Variants in ZDHHC14 observed in about 807,000 individuals in gnomAD.
ZDHHC14 encodes the protein palmitoyltransferase ZDHHC14.
In ZDHHC14, 16 loss-of-function variants were observed where a neutral mutation model predicts 47.7. The observed-to-expected ratio is 0.34, with a 90% CI of 0.23 to 0.51. ZDHHC14 has a LOEUF of 0.51. ZDHHC14 is among the 20% of genes least tolerant of loss of function. ZDHHC14 has a pLI of 0.97. For synonymous variants in ZDHHC14, 293 were observed against 278.9 expected, an observed-to-expected ratio of 1.05 and a Z score of -0.50; for missense variants, 515 against 662.5, an observed-to-expected ratio of 0.78 and a Z score of 2.44.
intron 1 of ZDHHC14, among the ~76,000 whole-genome samples, chr6:157,412,072 G>A (rs1777881295): frequency 1.3e-5 from 2 of 151,294 alleles, no homozygotes; most frequent in African/African-American, 4.9e-5. Flanking sequence ...CCAAGTAGCT[G>A]GGATTACAGG....
chr6:157,519,014 C>T (rs765467372), intron 1 of ZDHHC14, among the ~76,000 whole-genome samples: 8 of 152,158 alleles, frequency 5.3e-5, no homozygotes, highest in Non-Finnish European at 7.3e-5. Flanking sequence ...TGTATCCTTA[C>T]GCCTCTGCCA....
intron 1 of ZDHHC14, among the ~76,000 whole-genome samples, chr6:157,461,307 GTGCCCCTCTGTGAA>G (rs1244943642): frequency 6.6e-6 from 1 of 152,190 alleles, no homozygotes; most frequent in Non-Finnish European, 1.5e-5. Flanking sequence ...GCAAAGTCTC[GTGCCCCTCTGTGAA>G]TGCATTTGAT....
At chr6:157,475,651 A>G (rs915518251) in intron 1 of ZDHHC14, among the ~76,000 whole-genome samples, 3 of 151,984 alleles carry the variant, frequency 2.0e-5, no homozygotes, top group Non-Finnish European at 4.4e-5. Context: ...TTCTTGATTT[A>G]TTTTTCAGGT....
chr6:157,529,916 TTATA>T (rs1457689272), intron 1 of ZDHHC14, among the ~76,000 whole-genome samples: 4 of 152,230 alleles, frequency 2.6e-5, no homozygotes, highest in African/African-American at 9.6e-5. Context: ...AATGAACCTC[TTATA>T]AGTCTTATCA....
chr6:157,591,408 T>G (rs866305866), intron 2 of ZDHHC14, among the ~76,000 whole-genome samples: 1 of 152,184 alleles, frequency 6.6e-6, no homozygotes, highest in Non-Finnish European at 1.5e-5. Flanking sequence ...GTTCTTGTGA[T>G]AGTGATCTCC....
chr6:157,637,393 A>T (rs1324746844), intron 5 of ZDHHC14, among the ~76,000 whole-genome samples: 1 of 152,152 alleles, frequency 6.6e-6, no homozygotes, highest in Non-Finnish European at 1.5e-5. Context: ...GCATTAGAGA[A>T]ATGCTAAACT....
chr6:157,382,463 G>A (rs1185122854), intron 1 of ZDHHC14, among the ~76,000 whole-genome samples, 197 bp downstream of exon 1: 1 of 152,156 alleles, frequency 6.6e-6, no homozygotes, highest in African/African-American at 2.4e-5. Context: ...TTCTGGGCTG[G>A]GCTTCTGGGA....
At chr6:157,670,827 A>C (rs914880511) in intron 8 of ZDHHC14, among the ~76,000 whole-genome samples, 5 of 152,176 alleles carry the variant, frequency 3.3e-5, no homozygotes, top group South Asian at 4.1e-4. Context: ...ATCTTTGAGC[A>C]TCTAAAGCCT....
At chr6:157,554,907 T>G (rs1371340182) in intron 2 of ZDHHC14, among the ~76,000 whole-genome samples, 2 of 152,240 alleles carry the variant, frequency 1.3e-5, no homozygotes, top group African/African-American at 2.4e-5. Context: ...CTGAGTCCCC[T>G]GTGCTCTATA....
At chr6:157,563,860 G>A (rs1782804301) in intron 2 of ZDHHC14, among the ~76,000 whole-genome samples, 1 of 152,240 alleles carries the variant, frequency 6.6e-6, no homozygotes, top group African/African-American at 2.4e-5. Flanking sequence ...AAGCTGCATG[G>A]AAGCGAAACA....
At chr6:157,531,951 G>T (rs1582896890) in intron 1 of ZDHHC14, among the ~76,000 whole-genome samples, 1 of 152,260 alleles carries the variant, frequency 6.6e-6, no homozygotes, top group African/African-American at 2.4e-5. Context: ...GGATGGGCGT[G>T]GGGGTGCCAG....
chr6:157,647,852 C>T (rs142242104), intron 7 of ZDHHC14, among the ~76,000 whole-genome samples: 21 of 152,326 alleles, frequency 1.4e-4, no homozygotes, highest in African/African-American at 4.8e-4. Flanking sequence ...GACGATGACA[C>T]GAACCATGGC....
chr6:157,672,842 G>C lies in ZDHHC14; in HGVS notation c.1187G>C (p.Gly396Ala), dbSNP rs1778863041. 6.2e-7 allele frequency: 1 copy of C among 1,610,674 alleles called. No individual in the cohort carries two copies. Among genetic ancestry groups the C allele is most frequent in the Admixed American group, 1.7e-5 (1 of 59,850 alleles). ...SDELHLPGKP[G>A]LGTPCASLTL... ...GAGCTGCACCTGCCCGGGAAGCCTG[G>C]CCTGGGCACGCCCTGCGCCAGCCTC... is the stretch of plus-strand genomic sequence containing the variant. The change falls in exon 9 of 9, where the codon GGC (glycine) becomes GCC (alanine). Residue 396 changes from glycine (G) to alanine (A), a missense_variant. This residue lies in a region of ZDHHC14 where 221 missense variants were observed against 233.6 expected (regional missense o/e 0.95). Coordinates refer to ENST00000359775, the MANE Select transcript of ZDHHC14 (RefSeq NM_024630.3).
intron 1 of ZDHHC14, among the ~76,000 whole-genome samples, chr6:157,508,304 T>A (rs1219109424): frequency 1.3e-5 from 2 of 152,238 alleles, no homozygotes; most frequent in Non-Finnish European, 2.9e-5. Flanking sequence ...ATTATTATTT[T>A]TTGTCTGTTC....
At chr6:157,643,610 T>C (rs1333840579) in intron 5 of ZDHHC14, among the ~76,000 whole-genome samples, 1 of 140,764 alleles carries the variant, frequency 7.1e-6, no homozygotes, top group Non-Finnish European at 1.5e-5. Context: ...ATCATGCCAC[T>C]GTACTCCAGC....
At chr6:157,562,028 A>G (rs1782727552) in intron 2 of ZDHHC14, among the ~76,000 whole-genome samples, 1 of 152,192 alleles carries the variant, frequency 6.6e-6, no homozygotes, top group Non-Finnish European at 1.5e-5. Context: ...GGTGTTTATA[A>G]CATATAAACA....
At chr6:157,590,648 G>A (rs1004129163) in intron 2 of ZDHHC14, among the ~76,000 whole-genome samples, 1 of 152,204 alleles carries the variant, frequency 6.6e-6, no homozygotes, top group Non-Finnish European at 1.5e-5. Context: ...CCTCTGTTAG[G>A]GCAGTGCAGA....
intron 1 of ZDHHC14, among the ~76,000 whole-genome samples, chr6:157,447,851 C>T (rs34697205): frequency 0.21 from 31,931 of 152,006 alleles, 3,625 homozygotes; most frequent in Middle Eastern, 0.27. Context: ...ACTATAAGCT[C>T]TTGTCAGCGG....
chr6:157,476,097 A>T (rs553696328), intron 1 of ZDHHC14, among the ~76,000 whole-genome samples: 32 of 152,248 alleles, frequency 2.1e-4, no homozygotes, highest in African/African-American at 7.2e-4. Context: ...GAAAGAAATA[A>T]TAGAGATCAC....
Sources: gnomAD v4.1 joint callset for allele counts (sites outside exome capture counted in the v4.1 genomes callset) on GRCh38, gnomAD v4.1.1 for gene constraint, gnomAD v4.1.1 regional missense constraint, MANE v1.5 for transcripts, NCBI Gene and HGNC (gene_info 2026-07-23, HGNC 2026-07-21) for gene names.